Variants in LARP4B observed in about 807,000 individuals in gnomAD.
LARP4B encodes La ribonucleoprotein 4B, also known as la-related protein 4B.
In LARP4B, 12 loss-of-function variants were observed where a neutral mutation model predicts 89.8. That is an observed-to-expected ratio of 0.13 (90% confidence interval 0.09 to 0.22). The LOEUF (loss-of-function observed/expected upper bound fraction) is 0.22, where lower values mean the gene tolerates loss of function less well. Ranked by LOEUF, LARP4B falls within the 10% of genes least tolerant of loss-of-function variation. The pLI, the probability that LARP4B is intolerant of heterozygous loss-of-function variation, is 1.00. For missense variants in LARP4B, 757 were observed against 947.7 expected, an observed-to-expected ratio of 0.80 and a Z score of 2.64; for synonymous variants, 367 against 363.3, an observed-to-expected ratio of 1.01 and a Z score of -0.12.
At chr10:852,134 C>T (rs1292109949) in intron 5 of LARP4B, among the ~76,000 whole-genome samples, 9 of 152,160 alleles carry the variant, frequency 5.9e-5, no homozygotes, top group African/African-American at 2.2e-4. Context: ...GCCCACATGA[C>T]TTGTTTCACT....
At chr10:831,297 TAAAGGCAA>T (rs1564390370) in intron 8 of LARP4B, among the ~76,000 whole-genome samples, 1 of 147,200 alleles carries the variant, frequency 6.8e-6, no homozygotes. Context: ...TTTTTTTTTT[TAAAGGCAA>T]TTTAAGAAAA....
chr10:838,769 C>T (rs1833364323), intron 7 of LARP4B, among the ~76,000 whole-genome samples: 1 of 152,054 alleles, frequency 6.6e-6, no homozygotes, highest in Admixed American at 6.6e-5. Context: ...TGGTATTTAT[C>T]CAAAGGAGCT....
At position 812,753 on chromosome 10, in the gene LARP4B, G is replaced by T. The variant is rs768707171; in HGVS notation, c.*173C>A. 1.1e-5 allele frequency: 5 copies of T among 458,926 alleles called. No homozygotes were observed. The highest frequency in any genetic ancestry group is 1.0e-4 in the South Asian group (1 of 9,646). 28.4% of individuals were successfully genotyped at this position (458,926 alleles called of 1,614,324 possible). On this transcript the variant is annotated 3_prime_UTR_variant, in exon 18 of 18. Coordinates refer to ENST00000316157, the MANE Select transcript of LARP4B (RefSeq NM_015155.3). ...TGTATTAATTAAATCCTGAAAAATC[G>T]ATTTTTTTTCAAGAGGGGGAGAATC...
the LARP4B span, among the ~76,000 whole-genome samples, chr10:976,689 C>T: frequency 5.3e-5 from 8 of 151,600 alleles, no homozygotes; most frequent in Admixed American, 2.0e-4. Flanking sequence ...ATGTGTGGCC[C>T]GGCCTAGTAG....
chr10:968,591 T>C, the LARP4B span, among the ~76,000 whole-genome samples: 1 of 149,724 alleles, frequency 6.7e-6, no homozygotes, highest in East Asian at 1.9e-4. Flanking sequence ...GGAGACTGAC[T>C]CCCACTTGGC....
the LARP4B span, among the ~76,000 whole-genome samples, chr10:962,936 G>A: frequency 6.6e-6 from 1 of 152,152 alleles, no homozygotes; most frequent in Non-Finnish European, 1.5e-5. Flanking sequence ...TCCGGACGCA[G>A]CCTCCCGAGA....
At chr10:891,963 G>A (rs1836037127) in intron 1 of LARP4B, among the ~76,000 whole-genome samples, 1 of 152,194 alleles carries the variant, frequency 6.6e-6, no homozygotes, top group Non-Finnish European at 1.5e-5. Flanking sequence ...CAAATATTTT[G>A]TTACTGGTTC....
chr10:809,562 T>C lies in LARP4B; in HGVS notation c.*3364A>G, dbSNP rs1831665180. 6.6e-6 allele frequency: 1 copy of C among 152,456 alleles called. No individual in the cohort carries two copies. 9.4% of individuals were successfully genotyped at this position (152,456 alleles called of 1,614,324 possible). A position where few individuals can be genotyped will look rare whatever the true frequency, so the allele number is the denominator to read the frequency against. ...AAAAATTGAACAGTGCCTAAATCTT[T>C]ATTTTCATAACCTACATTTTTTTTC... On this transcript the variant is annotated 3_prime_UTR_variant, in exon 18 of 18. Coordinates refer to ENST00000316157, the MANE Select transcript of LARP4B (RefSeq NM_015155.3).
the LARP4B span, among the ~76,000 whole-genome samples, chr10:968,294 C>A: frequency 8.5e-5 from 13 of 152,300 alleles, no homozygotes; most frequent in African/African-American, 2.9e-4. Context: ...TGCTTAAGAA[C>A]AAACTGAGGT....
At chr10:974,526 G>T in the LARP4B span, among the ~76,000 whole-genome samples, 5 of 152,142 alleles carry the variant, frequency 3.3e-5, no homozygotes, top group Admixed American at 1.3e-4. Flanking sequence ...AATGTGAAAG[G>T]CTCTCTTGAA....
chr10:896,917 C>A (rs1836204545), intron 1 of LARP4B, among the ~76,000 whole-genome samples: 1 of 151,402 alleles, frequency 6.6e-6, no homozygotes, highest in Admixed American at 6.6e-5. Context: ...GGTATTTTTA[C>A]AATGCCAACA....
At position 825,184 on chromosome 10, in the gene LARP4B, C is replaced by T. The variant is rs1276499654; in HGVS notation, c.1365G>A (p.Arg455=). Residue 455 remains arginine, a synonymous_variant, in exon 13 of 18, where the codon AGG becomes AGA. Transcript: ENST00000316157. ...LINGVRSPQT[R]QAGQTRTRIQ... is the part of the protein sequence containing the mutation. The stretch of plus-strand genomic sequence containing the variant: ...TCCGTGTTCTAGTTTGACCTGCTTG[C>T]CTTGTTTGTGGACTCCGGACACCAT... 2 of 1,614,170 alleles carry T rather than the reference C, an allele frequency of 1.2e-6. No homozygotes were observed. Among genetic ancestry groups the T allele is most frequent in the South Asian group, 1.1e-5 (1 of 91,080 alleles).
At chr10:846,319 T>C (rs1250371875) in intron 5 of LARP4B, among the ~76,000 whole-genome samples, 2 of 152,220 alleles carry the variant, frequency 1.3e-5, no homozygotes, top group South Asian at 4.1e-4. Context: ...AGTTAACCAG[T>C]AACTATACAC....
Position 812,979 on chromosome 10 carries a change from T to C in LARP4B, c.2164A>G (p.Met722Val), listed in dbSNP as rs760957260. The change falls in exon 18 of 18, where the codon ATG (methionine) becomes GTG (valine). Residue 722 changes from methionine (M) to valine (V), a missense_variant. By Grantham distance (21) the Met-to-Val change is conservative. Transcript: ENST00000316157. ...TGCTCTCGGCTGAGACGCTTCCCCA[T>C]GGCCGAGGGCGAGGGCCGGCCCCCC... Reference protein sequence around the residue: ...PAGGRPSPSAMGKRLSREQST... With the variant: ...PAGGRPSPSAVGKRLSREQST... 1.3e-6 allele frequency: 2 copies of C among 1,577,234 alleles called. No homozygotes were observed. Among genetic ancestry groups the C allele is most frequent in the East Asian group, 4.5e-5 (2 of 44,736 alleles).
upstream of LARP4B, among the ~76,000 whole-genome samples, chr10:934,452 C>T (rs191257514): frequency 2.5e-3 from 386 of 151,926 alleles, 2 homozygotes; most frequent in Admixed American, 6.6e-3. Flanking sequence ...ATTGTGCCAC[C>T]GCATTCCAGC....
At chr10:944,203 C>T in the LARP4B span, among the ~76,000 whole-genome samples, 20,139 of 152,126 alleles carry the variant, frequency 0.13, 1,763 homozygotes, top group Non-Finnish European at 0.2. Flanking sequence ...TACCAACCTC[C>T]GAACAGTGGC....
chr10:882,353 A>G (rs890865086), intron 3 of LARP4B, among the ~76,000 whole-genome samples: 6 of 151,992 alleles, frequency 3.9e-5, no homozygotes, highest in Non-Finnish European at 7.4e-5. Context: ...CATGTCACTC[A>G]TTATAATATA....
chr10:884,362 T>C, intron 3 of LARP4B, 85 bp downstream of exon 3: 1 of 979,486 alleles, frequency 1.0e-6, no homozygotes, highest in Non-Finnish European at 1.6e-6. Flanking sequence ...CTAATTTTTG[T>C]TACAATAAAC....
the LARP4B span, chr10:986,979 C>T: frequency 6.6e-6 from 1 of 151,854 alleles, no homozygotes; most frequent in Non-Finnish European, 1.5e-5. Context: ...GTTTGCCCAT[C>T]TGAAGCAAAG....
Sources: allele counts gnomAD v4.1 joint callset (sites outside exome capture counted in the v4.1 genomes callset), GRCh38; gene constraint gnomAD v4.1.1; transcripts MANE v1.5; gene names NCBI Gene and HGNC (gene_info 2026-07-23, HGNC 2026-07-21).